Variants in PDE4B observed in about 807,000 individuals in gnomAD.
PDE4B encodes 3',5'-cyclic-AMP phosphodiesterase 4B.
PDE4B carries 20 observed loss-of-function variants against 82.2 expected under a neutral mutation model. The ratio of observed to expected loss-of-function variants is 0.24; its 90% CI spans 0.17 to 0.35. The LOEUF (loss-of-function observed/expected upper bound fraction) is 0.35, where lower values mean the gene tolerates loss of function less well. Among genes scored for constraint, PDE4B ranks in the 10% least tolerant of loss-of-function variants. PDE4B has a pLI of 1.00. For synonymous variants in PDE4B, 320 were observed against 318.9 expected (o/e 1.00, Z -0.04); for missense variants, 655 against 907.2 (o/e 0.72, Z 3.57).
In PDE4B at chr1:66,007,545, C is replaced by T. The variant is rs145093100; in HGVS notation, c.281+88710C>T. Among the ~76,000 whole-genome samples, 3 of 152,198 alleles carry T rather than the reference C, an allele frequency of 2.0e-5. No homozygotes were observed. In the East Asian group the frequency reaches 5.8e-4, roughly 30 times the overall value. On this transcript the variant is annotated intron_variant, in intron 3 of 16. Coordinates refer to ENST00000341517, the MANE Select transcript of PDE4B (RefSeq NM_002600.4). ...TGGAAATGATCTAATTATGAAACTA[C>T]AGGTTTGAAGAGCAATGGTTCCACT...
intron 3 of PDE4B, among the ~76,000 whole-genome samples, chr1:66,108,942 C>G (rs373263709): frequency 6.6e-6 from 1 of 151,936 alleles, no homozygotes; most frequent in Non-Finnish European, 1.5e-5. Context: ...CTTGGTCATA[C>G]AGAAAGTCTG....
At chr1:66,117,005 G>T (rs775441613) in intron 3 of PDE4B, among the ~76,000 whole-genome samples, 14 of 152,106 alleles carry the variant, frequency 9.2e-5, no homozygotes, top group Admixed American at 1.3e-4. Flanking sequence ...CAAAGTGCCG[G>T]TGACTGCCCC....
chr1:65,941,343 G>A (rs1648437271), intron 3 of PDE4B, among the ~76,000 whole-genome samples: 1 of 152,030 alleles, frequency 6.6e-6, no homozygotes, highest in Admixed American at 6.6e-5. Flanking sequence ...CACATCTAAA[G>A]AAATATACCA....
intron 3 of PDE4B, among the ~76,000 whole-genome samples, chr1:66,018,380 A>G (rs565144312): frequency 3.0e-4 from 46 of 152,288 alleles, no homozygotes; most frequent in African/African-American, 1.1e-3. Context: ...AGATCGTGCC[A>G]CTGCACTCCA....
chr1:66,242,479 G>A (rs1254579375), intron 3 of PDE4B, among the ~76,000 whole-genome samples: 2 of 152,146 alleles, frequency 1.3e-5, no homozygotes, highest in Non-Finnish European at 2.9e-5. Context: ...AAGCCAAAGA[G>A]GTTCACCTAG....
chr1:65,975,803 G>GC (rs1354724710), intron 3 of PDE4B, among the ~76,000 whole-genome samples: 1 of 152,218 alleles, frequency 6.6e-6, no homozygotes, highest in Non-Finnish European at 1.5e-5. Flanking sequence ...CTGGTGTTGG[G>GC]CTTGCAGGTG....
At chr1:65,883,088 G>T (rs913211111) in intron 1 of PDE4B, among the ~76,000 whole-genome samples, 2 of 152,130 alleles carry the variant, frequency 1.3e-5, no homozygotes, top group African/African-American at 2.4e-5. Flanking sequence ...CATAGGTTAA[G>T]AGAATTAGAT....
intron 1 of PDE4B, among the ~76,000 whole-genome samples, chr1:65,822,717 G>A (rs1645967282): frequency 6.6e-6 from 1 of 152,116 alleles, no homozygotes; most frequent in African/African-American, 2.4e-5. Flanking sequence ...TGAGGACACA[G>A]CATTTGACCC....
At chr1:66,021,360 C>T (rs1231082386) in intron 3 of PDE4B, among the ~76,000 whole-genome samples, 2 of 152,146 alleles carry the variant, frequency 1.3e-5, no homozygotes, top group East Asian at 1.9e-4. Flanking sequence ...GTTGCCATTG[C>T]TTTTGGTGTT....
At chr1:66,143,812 C>CTTTCTACTCACTTCAAAATTTTT (rs1557591498) in intron 3 of PDE4B, among the ~76,000 whole-genome samples, 1 of 152,140 alleles carries the variant, frequency 6.6e-6, no homozygotes, top group Non-Finnish European at 1.5e-5. Context: ...TGCCCTGCAC[C>CTTTCTACTCACTTCAAAATTTTT]CTTCTTTCTA....
chr1:66,184,977 T>A (rs1222189639), intron 3 of PDE4B, among the ~76,000 whole-genome samples: 3 of 152,128 alleles, frequency 2.0e-5, no homozygotes, highest in Admixed American at 6.5e-5. Context: ...CTCCTAATGC[T>A]ATCCCTCCCC....
intron 3 of PDE4B, among the ~76,000 whole-genome samples, chr1:66,132,538 G>C (rs569593438): frequency 6.6e-6 from 1 of 152,268 alleles, no homozygotes; most frequent in East Asian, 1.9e-4. Context: ...GATCTCATTT[G>C]TTGTTGGTGC....
At chr1:65,834,408 A>G (rs115528373) in intron 1 of PDE4B, among the ~76,000 whole-genome samples, 2,787 of 152,304 alleles carry the variant, frequency 0.018, 84 homozygotes, top group African/African-American at 0.064. Flanking sequence ...AGCACTTAGT[A>G]TGGGCCTCTT....
At chr1:65,959,016 T>C (rs1381692177) in intron 3 of PDE4B, among the ~76,000 whole-genome samples, 3 of 152,226 alleles carry the variant, frequency 2.0e-5, no homozygotes, top group African/African-American at 7.2e-5. Flanking sequence ...TTTTCTTTTG[T>C]TTTATTTTCC....
intron 3 of PDE4B, among the ~76,000 whole-genome samples, chr1:65,932,096 A>G (rs1647867016): frequency 6.6e-6 from 1 of 151,892 alleles, no homozygotes; most frequent in African/African-American, 2.4e-5. Flanking sequence ...TTCCCAAAGG[A>G]CTTCCTCTGT....
At chr1:65,869,394 G>C (rs1222185532) in intron 1 of PDE4B, among the ~76,000 whole-genome samples, 1 of 152,122 alleles carries the variant, frequency 6.6e-6, no homozygotes, top group Non-Finnish European at 1.5e-5. Flanking sequence ...ATTGTTTAAA[G>C]TTATGGGATT....
intron 3 of PDE4B, among the ~76,000 whole-genome samples, chr1:66,200,074 T>A (rs538405734): frequency 2.8e-4 from 43 of 152,292 alleles, no homozygotes; most frequent in African/African-American, 1.0e-3. Flanking sequence ...GGCTAGCCAG[T>A]TTTCCCAGCA....
chr1:66,108,688 T>TC (rs11405086), intron 3 of PDE4B, among the ~76,000 whole-genome samples: 98,508 of 151,662 alleles, frequency 0.65, 32,231 homozygotes, highest in East Asian at 0.72. Context: ...TCAATGTCAC[T>TC]ACTAATCATC....
At chr1:66,335,203 G>A (rs919717853) in intron 8 of PDE4B, among the ~76,000 whole-genome samples, 3 of 152,212 alleles carry the variant, frequency 2.0e-5, no homozygotes, top group South Asian at 2.1e-4. Context: ...AAATGTTATA[G>A]AGGGAGTGTA....
Sources: gnomAD v4.1 joint callset for allele counts (sites outside exome capture counted in the v4.1 genomes callset) on GRCh38, gnomAD v4.1.1 for gene constraint, MANE v1.5 for transcripts, NCBI Gene and HGNC (gene_info 2026-07-23, HGNC 2026-07-21) for gene names.